The following SH3D19 variants were observed in gnomAD, a reference collection of about 807,000 sequenced individuals.
SH3D19 encodes SH3 domain containing 19.
SH3D19 carries 58 observed loss-of-function variants against 112.1 expected under a neutral mutation model. That is an observed-to-expected ratio of 0.52 (90% CI 0.42 to 0.64). The LOEUF (loss-of-function observed/expected upper bound fraction) is 0.64, where lower values mean the gene tolerates loss of function less well. SH3D19 is among the 30% of genes least tolerant of loss of function. The pLI, the probability that SH3D19 is intolerant of heterozygous loss-of-function variation, is 0.00. For missense variants in SH3D19, 1,090 were observed against 1,263.4 expected (o/e 0.86, Z 2.08); for synonymous variants, 391 against 448.5 (o/e 0.87, Z 1.62).
At chr4:151,190,935 G>A (rs190946714) in intron 2 of SH3D19, among the ~76,000 whole-genome samples, 163 of 152,326 alleles carry the variant, frequency 1.1e-3, no homozygotes, top group Non-Finnish European at 2.0e-3. Flanking sequence ...AACGCCAGCC[G>A]TGAAAGCAGC....
chr4:151,170,958 C>A (rs1180745509), intron 7 of SH3D19, among the ~76,000 whole-genome samples: 1 of 152,154 alleles, frequency 6.6e-6, no homozygotes, highest in African/African-American at 2.4e-5. Flanking sequence ...TAAAAAGTAT[C>A]CTGTATCTTG....
intron 1 of SH3D19, among the ~76,000 whole-genome samples, chr4:151,301,547 G>T (rs72967591): frequency 1.3e-5 from 2 of 151,900 alleles, no homozygotes; most frequent in Admixed American, 1.3e-4. Flanking sequence ...TTGTTTTAAA[G>T]GTGTGTGGCA....
At chr4:151,270,644 A>G (rs979103133) in intron 1 of SH3D19, among the ~76,000 whole-genome samples, 8 of 152,188 alleles carry the variant, frequency 5.3e-5, no homozygotes, top group Non-Finnish European at 1.2e-4. Context: ...CAGCACCACC[A>G]TGAACACTTG....
At chr4:151,233,895 G>C (rs191981536) in intron 1 of SH3D19, among the ~76,000 whole-genome samples, 11 of 152,192 alleles carry the variant, frequency 7.2e-5, no homozygotes, top group Non-Finnish European at 1.5e-4. Context: ...CTCTGTGTTA[G>C]ACTCTGCTTC....
intron 2 of SH3D19, among the ~76,000 whole-genome samples, chr4:151,216,103 AC>A (rs1267369217): frequency 1.3e-5 from 2 of 152,224 alleles, no homozygotes; most frequent in Non-Finnish European, 2.9e-5. Flanking sequence ...TGCTGGGATT[AC>A]AGGCATGAGC....
chr4:151,217,815 A>T (rs1423353395), intron 2 of SH3D19, among the ~76,000 whole-genome samples: 1 of 152,212 alleles, frequency 6.6e-6, no homozygotes, highest in Non-Finnish European at 1.5e-5. Flanking sequence ...GTTACACTGG[A>T]AAATTTTATG....
At chr4:151,207,588 T>C (rs141476965) in intron 2 of SH3D19, among the ~76,000 whole-genome samples, 1 of 152,338 alleles carries the variant, frequency 6.6e-6, no homozygotes, top group East Asian at 1.9e-4. Context: ...ATTTTGCCAC[T>C]ATGACAGAGG....
chr4:151,236,594 A>G (rs777516812), intron 1 of SH3D19, among the ~76,000 whole-genome samples: 1 of 152,124 alleles, frequency 6.6e-6, no homozygotes, highest in Non-Finnish European at 1.5e-5. Context: ...AAATGCACCA[A>G]TCAGCGCTCT....
intron 7 of SH3D19, among the ~76,000 whole-genome samples, chr4:151,172,622 C>T (rs954995906): frequency 2.0e-5 from 3 of 152,132 alleles, no homozygotes; most frequent in African/African-American, 7.2e-5. Flanking sequence ...CACATTTAAC[C>T]CTTGCAATAC....
intron 1 of SH3D19, among the ~76,000 whole-genome samples, chr4:151,252,122 A>G (rs1771463271): frequency 6.6e-6 from 1 of 152,184 alleles, no homozygotes; most frequent in African/African-American, 2.4e-5. Context: ...GCTCAAGGAC[A>G]CCATTGCAGC....
Position 151,175,537 on chromosome 4 carries a change from A to G in SH3D19, c.667T>C (p.Cys223Arg), listed in dbSNP as rs569125605. ...NCPENPSATR[C>R]PVPKPRSKSN... ...TTTGATCTTGGTTTTGGCACTGGAC[A>G]TCTTGTAGCACTGGGGTTTTCTGGA... The change falls in exon 7 of 20, where the codon TGT becomes CGT. Residue 223 changes from cysteine to arginine, a missense_variant. By Grantham distance (180) the Cys-to-Arg change is radical. Coordinates refer to ENST00000604030, the MANE Select transcript of SH3D19 (RefSeq NM_001378122.1). The G allele has an allele frequency of 7.1e-7, 1 of 1,398,668 alleles. No individual in the cohort carries two copies. The highest frequency in any genetic ancestry group is 2.6e-5 in the East Asian group (1 of 38,230). 86.6% of individuals were successfully genotyped at this position (1,398,668 alleles called of 1,614,324 possible).
At chr4:151,254,952 G>A (rs1221410358) in intron 1 of SH3D19, among the ~76,000 whole-genome samples, 3 of 149,662 alleles carry the variant, frequency 2.0e-5, no homozygotes, top group Admixed American at 6.6e-5. Context: ...GCGGGGGGCT[G>A]ACGCCCCCAC....
At chr4:151,210,749 G>A (rs1765842067) in intron 2 of SH3D19, among the ~76,000 whole-genome samples, 1 of 152,096 alleles carries the variant, frequency 6.6e-6, no homozygotes, top group African/African-American at 2.4e-5. Context: ...AAGAAAGACT[G>A]AACCACCAAT....
chr4:151,268,476 A>G (rs148925980), intron 1 of SH3D19, among the ~76,000 whole-genome samples: 2,891 of 151,800 alleles, frequency 0.019, 42 homozygotes, highest in Middle Eastern at 0.037. Context: ...GTTTTAGGGT[A>G]CATGTGCACA....
At chr4:151,283,271 G>A (rs1282971049) in intron 1 of SH3D19, 1 of 1,613,600 alleles carries the variant, frequency 6.2e-7, no homozygotes, top group East Asian at 2.2e-5. Flanking sequence ...CTCAAAACAT[G>A]AAGGATAGTT....
At chr4:151,270,801 C>A (rs1442736395) in intron 1 of SH3D19, among the ~76,000 whole-genome samples, 1 of 152,178 alleles carries the variant, frequency 6.6e-6, no homozygotes. Flanking sequence ...CTAGCACTTA[C>A]TGATTTGTGA....
At chr4:151,251,564 G>C (rs555884623) in intron 1 of SH3D19, among the ~76,000 whole-genome samples, 1 of 152,202 alleles carries the variant, frequency 6.6e-6, no homozygotes, top group Non-Finnish European at 1.5e-5. Flanking sequence ...TACTCCATCA[G>C]GATTTATAAT....
intron 2 of SH3D19, among the ~76,000 whole-genome samples, chr4:151,211,655 A>G (rs1398016729): frequency 6.6e-6 from 1 of 152,184 alleles, no homozygotes; most frequent in Non-Finnish European, 1.5e-5. Flanking sequence ...AAAGTGAAAC[A>G]GCCTTGTTGC....
intron 1 of SH3D19, among the ~76,000 whole-genome samples, chr4:151,313,298 A>T (rs1729659431): frequency 6.6e-6 from 1 of 152,180 alleles, no homozygotes; most frequent in South Asian, 2.1e-4. Flanking sequence ...AGAAATACGA[A>T]AGGAACAAGG....
Sources: allele counts gnomAD v4.1 joint callset (sites outside exome capture counted in the v4.1 genomes callset), GRCh38; gene constraint gnomAD v4.1.1; transcripts MANE v1.5; gene names NCBI Gene and HGNC (gene_info 2026-07-23, HGNC 2026-07-21).